Variants in CEP152 observed in about 807,000 individuals in gnomAD.
CEP152 encodes the protein centrosomal protein 152, also known as centrosomal protein of 152 kDa.
In CEP152, 132 loss-of-function variants were observed where a neutral mutation model predicts 188.9. The ratio of observed to expected loss-of-function variants is 0.70; its 90% CI spans 0.61 to 0.81. The LOEUF (loss-of-function observed/expected upper bound fraction) is 0.81, where lower values mean the gene tolerates loss of function less well. Among genes scored for constraint, CEP152 ranks in the 30% least tolerant of loss-of-function variants. The pLI is 0.00. For synonymous variants in CEP152, 649 were observed against 666.6 expected (o/e 0.97, Z 0.41); for missense variants, 1,914 against 1,969.8 (o/e 0.97, Z 0.54).
chr15:48,755,860 C>A, intron 20 of CEP152, 43 bp downstream of exon 20: 2 of 1,610,774 alleles, frequency 1.2e-6, no homozygotes, highest in South Asian at 1.1e-5. Context: ...CTTCTATAAT[C>A]ATTCTTGGTG....
intron 5 of CEP152, 44 bp downstream of exon 5, chr15:48,797,257 G>C (rs1042795134): frequency 1.7e-5 from 27 of 1,601,314 alleles, no homozygotes; most frequent in East Asian, 1.1e-4. Context: ...ACGCAAATGC[G>C]TGTGCACACA....
intron 2 of CEP152, chr15:48,729,555 T>C (rs561620332): frequency 1.3e-5 from 2 of 152,066 alleles, no homozygotes; most frequent in Non-Finnish European, 2.9e-5. Flanking sequence ...ATAAAAAAAA[T>C]TTTTTAAGTG....
downstream of CEP152, among the ~76,000 whole-genome samples, chr15:48,736,991 A>T (rs1276662847): frequency 6.6e-6 from 1 of 152,222 alleles, no homozygotes; most frequent in Non-Finnish European, 1.5e-5. Context: ...CTTCAGGAAT[A>T]CAAGTGAGAC....
intron 15 of CEP152, 90 bp downstream of exon 15, chr15:48,768,129 A>G (rs1595641914): frequency 2.5e-6 from 2 of 796,182 alleles, no homozygotes; most frequent in East Asian, 5.0e-5. Flanking sequence ...TCACTCAATC[A>G]TTTTGAATCT....
intron 9 of CEP152, among the ~76,000 whole-genome samples, chr15:48,788,044 T>C (rs1896767974): frequency 6.6e-6 from 1 of 152,200 alleles, no homozygotes; most frequent in Non-Finnish European, 1.5e-5. Context: ...ACAGACTGTA[T>C]TGCTGTATTG....
In CEP152 at chr15:48,752,579, C is replaced by T. The variant is rs1016960220; in HGVS notation, c.3346-110G>A. 6.1e-6 allele frequency: 9 copies of T among 1,487,546 alleles called. No individual in the cohort carries two copies. In the African/African-American group the frequency reaches 1.3e-4, roughly 21 times the overall value. The allele number at this position is 1,487,546 out of a possible 1,614,324, so 92.1% of individuals were successfully genotyped here. On this transcript the variant is annotated intron_variant, in intron 20 of 26. Transcript: ENST00000380950. The stretch of plus-strand genomic sequence containing the variant: ...AGAGAAAACACTACCTGAAAAAAAT[C>T]TTGCCTGAACTATCTATCGCCAATA...
At chr15:48,765,636 A>AATT (rs1895010448) in intron 17 of CEP152, 2 of 159,168 alleles carry the variant, frequency 1.3e-5, no homozygotes, top group African/African-American at 1.3e-4. Context: ...GTTCTTGCCA[A>AATT]TTTTTTTTTT....
intron 19 of CEP152, among the ~76,000 whole-genome samples, chr15:48,758,342 T>C (rs1395429404): frequency 6.6e-6 from 1 of 152,196 alleles, no homozygotes; most frequent in African/African-American, 2.4e-5. Context: ...GTTGACATTA[T>C]TTTTTGTGGC....
At chr15:48,745,587 G>C (rs920429773) in intron 22 of CEP152, among the ~76,000 whole-genome samples, 5 of 151,994 alleles carry the variant, frequency 3.3e-5, no homozygotes, top group African/African-American at 1.2e-4. Context: ...ATAGGCGGTG[G>C]AGTTAAGAGC....
Position 48,762,755 on chromosome 15 carries a change from C to A in CEP152, c.2281-83G>T, listed in dbSNP as rs73400358. The A allele has an allele frequency of 0.017, 23,174 of 1,362,040 alleles. 1,381 individuals carry two copies. The highest frequency in any genetic ancestry group is 0.16 in the African/African-American group (11,034 of 69,798). The allele number at this position is 1,362,040 out of a possible 1,614,324, so 84.4% of individuals were successfully genotyped here. ...AATTAAAAGCTAGCCAGAAAAGCAACCACAGCTGTGTTTGAAAACCATCTA... is the reference window on the plus strand; with the variant it reads ...AATTAAAAGCTAGCCAGAAAAGCAAACACAGCTGTGTTTGAAAACCATCTA... On this transcript the variant is annotated intron_variant, in intron 17 of 26. Transcript: ENST00000380950.
rs772934461 is a variant in CEP152 at position 48,760,194 on chromosome 15, G to A, written c.2635C>T (p.Leu879Phe). Residue 879 changes from leucine to phenylalanine, a missense_variant, in exon 19 of 27, where the codon CTT becomes TTT. Leu to Phe is a conservative substitution (Grantham distance 22). Coordinates refer to ENST00000380950, the MANE Select transcript of CEP152 (RefSeq NM_001194998.2). ...ELPELAEYQA[L>F]VKAEQKKWEE... The stretch of plus-strand genomic sequence containing the variant: ...CACTTTTTCTGTTCTGCCTTCACAA[G>A]TGCTTGATACTCTGCCAGCTCTGGT... The A allele has an allele frequency of 6.2e-7, 1 of 1,614,098 alleles. No individual in the cohort carries two copies. Among genetic ancestry groups the A allele is most frequent in the South Asian group, 1.1e-5 (1 of 91,078 alleles).
chr15:48,798,500 A>ACAG (rs1012305099), intron 2 of CEP152, among the ~76,000 whole-genome samples: 18 of 151,752 alleles, frequency 1.2e-4, no homozygotes, highest in African/African-American at 4.1e-4. Context: ...GGTGATGAGA[A>ACAG]CAGCAGCAGC....
intron 2 of CEP152, among the ~76,000 whole-genome samples, chr15:48,731,029 T>G (rs1291331088): frequency 6.6e-6 from 1 of 152,162 alleles, no homozygotes; most frequent in East Asian, 1.9e-4. Flanking sequence ...GGATGTTGAA[T>G]AAAGACTAAA....
At chr15:48,780,703 A>T (rs1444069568) in intron 12 of CEP152, among the ~76,000 whole-genome samples, 1 of 152,248 alleles carries the variant, frequency 6.6e-6, no homozygotes, top group Non-Finnish European at 1.5e-5. Flanking sequence ...TTGAATGCAT[A>T]GCACTTAGTT....
At chr15:48,762,237 G>A (rs571853652) in intron 18 of CEP152, among the ~76,000 whole-genome samples, 154 bp downstream of exon 18, 13 of 152,140 alleles carry the variant, frequency 8.5e-5, no homozygotes, top group South Asian at 4.1e-4. Flanking sequence ...ATATTATGAA[G>A]AAAAATTTAG....
chr15:48,738,187 T>G lies in CEP152; in HGVS notation c.*62A>C. On this transcript the variant is annotated 3_prime_UTR_variant, in exon 27 of 27. Transcript: ENST00000380950. ...GCAGGGCTCACAATTTTTTTCAGTA[T>G]GAGGTCTTCCCTTCCATTTTTGTTA... 6.6e-7 allele frequency: 1 copy of G among 1,505,416 alleles called. No individual in the cohort carries two copies. Among genetic ancestry groups the G allele is most frequent in the East Asian group, 2.5e-5 (1 of 40,718 alleles). The allele number at this position is 1,505,416 out of a possible 1,614,324, so 93.3% of individuals were successfully genotyped here.
intron 2 of CEP152, among the ~76,000 whole-genome samples, chr15:48,732,853 T>C (rs906779915): frequency 6.6e-6 from 1 of 151,984 alleles, no homozygotes; most frequent in Non-Finnish European, 1.5e-5. Context: ...TGGCTCATGC[T>C]TAAAATTTCA....
At position 48,762,601 on chromosome 15, in the gene CEP152, C is replaced by A. The variant is rs779777496; in HGVS notation, c.2352G>T (p.Met784Ile). Residue 784 changes from methionine (M) to isoleucine (I), a missense_variant, in exon 18 of 27, where the codon ATG becomes ATT. Coordinates refer to ENST00000380950, the MANE Select transcript of CEP152 (RefSeq NM_001194998.2). ...QSKLDQTIKA[M>I]KKKTLDCGSQ... ...TGCCACAATCTAAGGTCTTCTTTTT[C>A]ATTGCCTTTATAGTTTGATCCAGCT... 6 of 1,613,878 alleles carry A rather than the reference C, an allele frequency of 3.7e-6. No individual in the cohort carries two copies. In the African/African-American group the frequency reaches 5.3e-5, roughly 14 times the overall value.
At chr15:48,731,259 T>C (rs1380234977) in intron 2 of CEP152, among the ~76,000 whole-genome samples, 2 of 152,218 alleles carry the variant, frequency 1.3e-5, no homozygotes, top group African/African-American at 2.4e-5. Context: ...TAAAAATTTG[T>C]TGAGTATATC....
Sources: allele counts gnomAD v4.1 joint callset (sites outside exome capture counted in the v4.1 genomes callset), GRCh38; gene constraint gnomAD v4.1.1; transcripts MANE v1.5; gene names NCBI Gene and HGNC (gene_info 2026-07-23, HGNC 2026-07-21).